RAB31: variants seen among roughly 807,000 people sequenced by gnomAD.
The protein encoded by RAB31 is RAB31, member RAS oncogene family.
Under a neutral mutation model 25.6 loss-of-function variants are expected in RAB31, and 21 were observed. The observed-to-expected ratio is 0.82, with a 90% CI of 0.58 to 1.18. The LOEUF (loss-of-function observed/expected upper bound fraction) is 1.18. RAB31 is among the 50% of genes most tolerant of loss of function. The pLI, the probability that RAB31 is intolerant of heterozygous loss-of-function variation, is 0.00. For missense variants in RAB31, 196 were observed against 250.1 expected (o/e 0.78, Z 1.46); for synonymous variants, 87 against 84.0 (o/e 1.04, Z -0.20).
intron 3 of RAB31, among the ~76,000 whole-genome samples, chr18:9,812,312 T>A (rs1270321620): frequency 2.0e-5 from 3 of 152,234 alleles, no homozygotes; most frequent in African/African-American, 7.2e-5. Context: ...GGATGTGTCT[T>A]CCTGCGTGTG....
In RAB31 at chr18:9,724,296, A is replaced by C. The variant is rs951278743; in HGVS notation, c.39+15852A>C. On this transcript the variant is annotated intron_variant, in intron 1 of 6. Coordinates refer to ENST00000578921, the MANE Select transcript of RAB31 (RefSeq NM_006868.4). ...AAAAAAAAAAAAAAAAACAAAAAAA[A>C]AACATTATTATTGAAATGATACTTC... is the stretch of plus-strand genomic sequence containing the variant. Among the ~76,000 whole-genome samples, 312 of 147,894 alleles carry C rather than the reference A, an allele frequency of 2.1e-3. 8 individuals are homozygous for C. Among genetic ancestry groups the C allele is most frequent in the Non-Finnish European group, 3.3e-3 (220 of 67,578 alleles).
chr18:9,721,224 A>G (rs2068072112), intron 1 of RAB31, among the ~76,000 whole-genome samples: 1 of 152,218 alleles, frequency 6.6e-6, no homozygotes, highest in African/African-American at 2.4e-5. Context: ...TGTATCTTCC[A>G]GGTCATCATC....
chr18:9,716,569 C>T (rs375856581), intron 1 of RAB31, among the ~76,000 whole-genome samples: 3 of 152,034 alleles, frequency 2.0e-5, no homozygotes, highest in Non-Finnish European at 4.4e-5. Context: ...TGAGTGTGCT[C>T]AGTGTCTTCA....
chr18:9,786,849 C>T (rs2068436063), intron 2 of RAB31: 1 of 152,392 alleles, frequency 6.6e-6, no homozygotes, highest in Admixed American at 6.5e-5. Flanking sequence ...CACACAGTGT[C>T]ATTGGAAAGA....
Position 9,859,289 on chromosome 18 carries a change from G to T in RAB31, c.552G>T (p.Glu184Asp), listed in dbSNP as rs1161196330. 3.1e-6 allele frequency: 5 copies of T among 1,613,878 alleles called. No homozygotes were observed. The highest frequency in any genetic ancestry group is 4.2e-6 in the Non-Finnish European group (5 of 1,179,818). The stretch of plus-strand genomic sequence containing the variant: ...GAAACAATGGAACAATCAAAGTTGA[G>T]AAGCCAACCATGCAAGCCAGCCGCC... ...ENGNNGTIKVEKPTMQASRRC... is the reference protein window; with the variant it reads ...ENGNNGTIKVDKPTMQASRRC... Residue 184 changes from glutamate (E) to aspartate (D), a missense_variant, in exon 7 of 7, where the codon GAG becomes GAT. Coordinates refer to ENST00000578921, the MANE Select transcript of RAB31 (RefSeq NM_006868.4).
intron 6 of RAB31, among the ~76,000 whole-genome samples, chr18:9,851,844 T>C (rs545662234): frequency 1.3e-5 from 2 of 152,142 alleles, no homozygotes; most frequent in East Asian, 3.9e-4. Flanking sequence ...TTTCACAATA[T>C]ATCTCATATT....
At chr18:9,818,702 G>A (rs2068611373) in intron 5 of RAB31, among the ~76,000 whole-genome samples, 2 of 152,114 alleles carry the variant, frequency 1.3e-5, no homozygotes, top group African/African-American at 4.8e-5. Flanking sequence ...TATGTACTTA[G>A]GAGTGGAATT....
chr18:9,751,553 G>A (rs967999305), intron 1 of RAB31, among the ~76,000 whole-genome samples: 2 of 152,116 alleles, frequency 1.3e-5, no homozygotes, highest in Admixed American at 6.5e-5. Context: ...CCCTTACATC[G>A]GGCCACAGCA....
intron 6 of RAB31, among the ~76,000 whole-genome samples, chr18:9,850,969 T>A (rs773741666): frequency 5.3e-5 from 8 of 152,228 alleles, no homozygotes; most frequent in Admixed American, 2.0e-4. Flanking sequence ...GACAACAAGT[T>A]AAGACTTGTG....
chr18:9,720,791 C>T (rs147322142), intron 1 of RAB31, among the ~76,000 whole-genome samples: 2 of 151,124 alleles, frequency 1.3e-5, no homozygotes, highest in East Asian at 1.9e-4. Context: ...CTTGACAGGG[C>T]GAGATCCATT....
chr18:9,808,743 A>C (rs1003951362), intron 3 of RAB31, among the ~76,000 whole-genome samples: 1 of 152,236 alleles, frequency 6.6e-6, no homozygotes, highest in East Asian at 1.9e-4. Context: ...CAACAGGGAC[A>C]GAGCGTCCTC....
chr18:9,732,267 A>G (rs1199664917), intron 1 of RAB31, among the ~76,000 whole-genome samples: 2 of 152,064 alleles, frequency 1.3e-5, no homozygotes, highest in Non-Finnish European at 2.9e-5. Context: ...AGGGCCGGTC[A>G]CCGGATGAGG....
chr18:9,714,813 C>T lies in RAB31; in HGVS notation c.39+6369C>T, dbSNP rs999680271. ...CTTCCCAAAGACACGAACACACCAG[C>T]AGTGAGCTCTGTGGCATTGACTGGA... On this transcript the variant is annotated intron_variant, in intron 1 of 6. Coordinates refer to ENST00000578921, the MANE Select transcript of RAB31 (RefSeq NM_006868.4). Among the ~76,000 whole-genome samples, 20 of 152,328 alleles carry T rather than the reference C, an allele frequency of 1.3e-4. 1 individual carries two copies. The highest frequency in any genetic ancestry group is 2.4e-4 in the Non-Finnish European group (16 of 68,036).
intron 1 of RAB31, among the ~76,000 whole-genome samples, chr18:9,755,099 T>C (rs1265522890): frequency 6.6e-6 from 1 of 152,180 alleles, no homozygotes; most frequent in Non-Finnish European, 1.5e-5. Flanking sequence ...GTCATAGAAT[T>C]AGATTGAAGA....
intron 6 of RAB31, among the ~76,000 whole-genome samples, chr18:9,854,614 T>G (rs1054712527): frequency 6.6e-6 from 1 of 152,206 alleles, no homozygotes; most frequent in East Asian, 1.9e-4. Flanking sequence ...TTATAGCATG[T>G]AGCGCGTTCC....
At chr18:9,712,413 G>A (rs1444704549) in intron 1 of RAB31, among the ~76,000 whole-genome samples, 1 of 152,240 alleles carries the variant, frequency 6.6e-6, no homozygotes, top group Non-Finnish European at 1.5e-5. Flanking sequence ...ATAGGGGGAA[G>A]CACCCTGGGC....
At chr18:9,790,033 T>C (rs1253654569) in intron 2 of RAB31, among the ~76,000 whole-genome samples, 2 of 152,134 alleles carry the variant, frequency 1.3e-5, no homozygotes, top group East Asian at 3.9e-4. Context: ...TGAATGCTAG[T>C]TGACCAGGCT....
chr18:9,789,969 G>A (rs916357056), intron 2 of RAB31, among the ~76,000 whole-genome samples: 5 of 152,106 alleles, frequency 3.3e-5, no homozygotes, highest in Admixed American at 1.3e-4. Flanking sequence ...TGGGACTTCG[G>A]TAGTTGGCCT....
intron 1 of RAB31, chr18:9,722,621 T>G (rs2068078854): frequency 6.6e-6 from 1 of 152,218 alleles, no homozygotes; most frequent in Non-Finnish European, 1.5e-5. Flanking sequence ...TTGTGTATAT[T>G]TATACAGTGG....
Sources: allele counts gnomAD v4.1 joint callset (sites outside exome capture counted in the v4.1 genomes callset), GRCh38; gene constraint gnomAD v4.1.1; transcripts MANE v1.5; gene names NCBI Gene and HGNC (gene_info 2026-07-23, HGNC 2026-07-21).